The following BNC2 variants were observed in gnomAD, a reference collection of about 807,000 sequenced individuals.
BNC2 encodes basonuclin zinc finger protein 2.
BNC2 carries 20 observed loss-of-function variants against 76.3 expected under a neutral mutation model. The ratio of observed to expected loss-of-function variants is 0.26; its 90% confidence interval spans 0.18 to 0.38. The LOEUF (loss-of-function observed/expected upper bound fraction) is 0.38. Among genes scored for constraint, BNC2 ranks in the 10% least tolerant of loss-of-function variants. The pLI is 1.00. For missense variants in BNC2, 1,382 were observed against 1,399.8 expected (o/e 0.99, Z 0.20); for synonymous variants, 582 against 514.8 (o/e 1.13, Z -1.77).
intron 1 of BNC2, among the ~76,000 whole-genome samples, chr9:16,776,450 A>G (rs1825971202): frequency 6.6e-6 from 1 of 152,124 alleles, no homozygotes; most frequent in Non-Finnish European, 1.5e-5. Context: ...ACCTTGATTT[A>G]TTTAAATTCA....
chr9:16,425,185 C>T (rs1820780833), intron 6 of BNC2, among the ~76,000 whole-genome samples: 1 of 152,138 alleles, frequency 6.6e-6, no homozygotes, highest in Non-Finnish European at 1.5e-5. Context: ...ACAAATCATC[C>T]ATACTAGTCA....
At chr9:16,732,913 A>C (rs770640527) in intron 2 of BNC2, among the ~76,000 whole-genome samples, 6 of 152,198 alleles carry the variant, frequency 3.9e-5, no homozygotes, top group Non-Finnish European at 7.3e-5. Flanking sequence ...ATCCAATCTT[A>C]TATGTGGACT....
intron 4 of BNC2, among the ~76,000 whole-genome samples, chr9:16,576,193 G>A (rs112272487): frequency 6.6e-6 from 1 of 152,148 alleles, no homozygotes; most frequent in South Asian, 2.1e-4. Context: ...TGTTGTTTTC[G>A]TTGGGATAGT....
At chr9:16,773,225 C>G (rs1466203048) in intron 1 of BNC2, among the ~76,000 whole-genome samples, 1 of 152,164 alleles carries the variant, frequency 6.6e-6, no homozygotes, top group African/African-American at 2.4e-5. Context: ...ATGGTACAAG[C>G]TACTGAACTC....
Position 16,787,628 on chromosome 9 carries a change from A to G in BNC2, c.4-49143T>C, listed in dbSNP as rs1586883952. 2.0e-5 allele frequency among the ~76,000 whole-genome samples: 3 copies of G among 152,138 alleles called. No individual in the cohort carries two copies. In the South Asian group the frequency reaches 6.2e-4, roughly 32 times the overall value. On this transcript the variant is annotated intron_variant, in intron 1 of 6. Coordinates refer to ENST00000380672, the MANE Select transcript of BNC2 (RefSeq NM_017637.6). ...TCTATATCCGGTACCTTTTGAGTGT[A>G]TTTTTGTGGTGAATCACCTAAAGAG... is the stretch of plus-strand genomic sequence containing the variant.
chr9:16,568,437 C>A (rs765942066), intron 4 of BNC2, among the ~76,000 whole-genome samples: 1 of 152,058 alleles, frequency 6.6e-6, no homozygotes, highest in African/African-American at 2.4e-5. Flanking sequence ...TTTGCTAATA[C>A]GACCAATAAT....
intron 1 of BNC2, among the ~76,000 whole-genome samples, chr9:16,821,164 C>T (rs147563331): frequency 0.012 from 1,797 of 149,952 alleles, 10 homozygotes; most frequent in Middle Eastern, 0.017. Flanking sequence ...ACCCAGGAGG[C>T]GGAGGTTGCA....
At chr9:16,757,846 A>C (rs1825432678) in intron 1 of BNC2, among the ~76,000 whole-genome samples, 1 of 152,236 alleles carries the variant, frequency 6.6e-6, no homozygotes, top group Non-Finnish European at 1.5e-5. Flanking sequence ...GCAAGCAAAT[A>C]GCTTTTTGTT....
intron 5 of BNC2, among the ~76,000 whole-genome samples, chr9:16,469,992 C>A (rs1035404122): frequency 8.7e-6 from 1 of 114,992 alleles, no homozygotes; most frequent in Non-Finnish European, 1.7e-5. Context: ...TAATGGCATT[C>A]TTTTTTTTTT....
At chr9:16,839,554 G>T (rs544522688) in intron 1 of BNC2, among the ~76,000 whole-genome samples, 18 of 152,306 alleles carry the variant, frequency 1.2e-4, no homozygotes, top group African/African-American at 4.1e-4. Context: ...ACACAGATAT[G>T]CAGGTTAGAA....
chr9:16,489,253 G>A (rs1351514642), intron 5 of BNC2, among the ~76,000 whole-genome samples: 1 of 151,990 alleles, frequency 6.6e-6, no homozygotes, highest in African/African-American at 2.4e-5. Context: ...TACCTTTACT[G>A]CACATCTCAA....
intron 1 of BNC2, chr9:16,867,765 A>T (rs1199514046): frequency 7.4e-6 from 1 of 135,346 alleles, no homozygotes; most frequent in Non-Finnish European, 1.5e-5. Flanking sequence ...TATCCAACTT[A>T]AGTTGCTCTG....
chr9:16,530,964 G>A (rs1423734414), intron 5 of BNC2, among the ~76,000 whole-genome samples: 4 of 152,128 alleles, frequency 2.6e-5, no homozygotes, highest in Non-Finnish European at 5.9e-5. Flanking sequence ...GCCGGGAGGG[G>A]GCAGGAGGAG....
chr9:16,605,464 G>T (rs1820357914), intron 3 of BNC2, among the ~76,000 whole-genome samples: 1 of 152,194 alleles, frequency 6.6e-6, no homozygotes, highest in African/African-American at 2.4e-5. Context: ...GGCAGAGCCA[G>T]GACTTCCGAT....
chr9:16,855,447 TG>T (rs773340160), intron 1 of BNC2, among the ~76,000 whole-genome samples: 3 of 152,242 alleles, frequency 2.0e-5, no homozygotes, highest in Non-Finnish European at 2.9e-5. Flanking sequence ...AAAAAAAGGT[TG>T]TTATACTTTG....
At chr9:16,554,833 T>C (rs1057496511) in intron 4 of BNC2, among the ~76,000 whole-genome samples, 7 of 152,014 alleles carry the variant, frequency 4.6e-5, no homozygotes, top group Non-Finnish European at 1.0e-4. Context: ...CAACAGCAAA[T>C]ATGAAACTGA....
At chr9:16,742,600 G>A (rs6475070) in intron 1 of BNC2, among the ~76,000 whole-genome samples, 142,672 of 152,296 alleles carry the variant, frequency 0.94, 66,912 homozygotes, top group East Asian at 0.99. Context: ...GAAGACCACT[G>A]TCTAAGTGAC....
chr9:16,870,422 C>T lies in BNC2; in HGVS notation c.3+224G>A, dbSNP rs536945737. On this transcript the variant is annotated intron_variant, in intron 1 of 6. Coordinates refer to ENST00000380672, the MANE Select transcript of BNC2 (RefSeq NM_017637.6). ...GCACCCTCCCACCTAGAGCTCGCCT[C>T]AGAAACTTGGGGCCAAGTTTAGGGG... Among the ~76,000 whole-genome samples, 760 of 152,086 alleles carry T rather than the reference C, an allele frequency of 5.0e-3. 8 individuals carry two copies. The highest frequency in any genetic ancestry group is 7.1e-3 in the Non-Finnish European group (484 of 67,960).
intron 3 of BNC2, among the ~76,000 whole-genome samples, chr9:16,673,830 C>T (rs1210971210): frequency 2.0e-5 from 3 of 152,098 alleles, no homozygotes; most frequent in Non-Finnish European, 2.9e-5. Flanking sequence ...AACTCTGAGA[C>T]GGGTTCATGT....
Sources: gnomAD v4.1 joint callset for allele counts (sites outside exome capture counted in the v4.1 genomes callset) on GRCh38, gnomAD v4.1.1 for gene constraint, MANE v1.5 for transcripts, NCBI Gene and HGNC (gene_info 2026-07-23, HGNC 2026-07-21) for gene names.